CYP2C19: variants seen among roughly 807,000 people sequenced by gnomAD.
CYP2C19 encodes cytochrome P450 2C19.
CYP2C19 carries 59 observed loss-of-function variants against 40.9 expected under a neutral mutation model. That is an observed-to-expected ratio of 1.44 (90% CI 1.17 to 1.79). CYP2C19 has a LOEUF of 1.79. CYP2C19 is among the 40% of genes most tolerant of loss of function. The probability of loss-of-function intolerance (pLI) is 0.00; values close to 1 mark genes in which losing one functional copy is unlikely to be tolerated. For synonymous variants in CYP2C19, 253 were observed against 208.7 expected (o/e 1.21, Z -1.83); for missense variants, 754 against 596.9 (o/e 1.26, Z -2.74).
intron 6 of CYP2C19, among the ~76,000 whole-genome samples, chr10:94,829,024 G>A (rs184084521): frequency 6.6e-4 from 101 of 152,134 alleles, no homozygotes; most frequent in East Asian, 1.4e-3. Flanking sequence ...AGTTTCTGCC[G>A]AGAGATCTGC....
chr10:94,848,481 C>T (rs535865205), intron 7 of CYP2C19, among the ~76,000 whole-genome samples: 1 of 152,094 alleles, frequency 6.6e-6, no homozygotes, highest in African/African-American at 2.4e-5. Context: ...GTTACTGTAG[C>T]CTTGTAGTAT....
intron 6 of CYP2C19, among the ~76,000 whole-genome samples, chr10:94,824,498 A>G (rs1480185761): frequency 6.6e-6 from 1 of 152,230 alleles, no homozygotes; most frequent in Non-Finnish European, 1.5e-5. Context: ...TCTCACACAC[A>G]CAAGCACAGC....
chr10:94,768,666 A>G (rs922035145), intron 1 of CYP2C19, among the ~76,000 whole-genome samples: 2 of 152,148 alleles, frequency 1.3e-5, no homozygotes, highest in Admixed American at 6.5e-5. Context: ...TGACACTAAG[A>G]CAGCCATCAC....
intron 5 of CYP2C19, among the ~76,000 whole-genome samples, chr10:94,782,791 G>A (rs1848496071): frequency 6.6e-6 from 1 of 152,088 alleles, no homozygotes; most frequent in Non-Finnish European, 1.5e-5. Flanking sequence ...TAAAAAAGAT[G>A]AATTCATGTC....
chr10:94,848,760 T>A (rs997627109), intron 7 of CYP2C19, among the ~76,000 whole-genome samples: 2 of 152,166 alleles, frequency 1.3e-5, no homozygotes, highest in African/African-American at 4.8e-5. Context: ...CATTGAGCAG[T>A]GGTTTGTAGT....
At chr10:94,779,146 G>A (rs1208226979) in intron 3 of CYP2C19, among the ~76,000 whole-genome samples, 3 of 152,042 alleles carry the variant, frequency 2.0e-5, no homozygotes, top group Non-Finnish European at 4.4e-5. Context: ...GAAAGCATTA[G>A]GACAAATACC....
chr10:94,772,107 G>A (rs1848341644), intron 1 of CYP2C19, among the ~76,000 whole-genome samples: 1 of 152,144 alleles, frequency 6.6e-6, no homozygotes, highest in Admixed American at 6.5e-5. Flanking sequence ...ATGAAATGGA[G>A]GGCCATACCC....
chr10:94,818,488 C>T (rs1413057133), intron 5 of CYP2C19, among the ~76,000 whole-genome samples: 17 of 149,818 alleles, frequency 1.1e-4, no homozygotes, highest in Non-Finnish European at 1.5e-4. Flanking sequence ...GGCAGTATGG[C>T]CATTTTCACA....
chr10:94,846,259 A>C (rs891114106), intron 7 of CYP2C19, among the ~76,000 whole-genome samples: 4 of 152,102 alleles, frequency 2.6e-5, no homozygotes, highest in Non-Finnish European at 5.9e-5. Flanking sequence ...GCCTTTAGTC[A>C]TTTAAATTTT....
chr10:94,798,039 G>A (rs1220099296), intron 5 of CYP2C19, among the ~76,000 whole-genome samples: 1 of 151,884 alleles, frequency 6.6e-6, no homozygotes, highest in Non-Finnish European at 1.5e-5. Context: ...GCTAGCTTTG[G>A]AATTTGTTTG....
Position 94,854,035 on chromosome 10 carries a change from T to G in CYP2C19, c.*1121T>G, listed in dbSNP as rs1340878879. On this transcript the variant is annotated 3_prime_UTR_variant, in exon 9 of 9. Coordinates refer to ENST00000371321, the MANE Select transcript of CYP2C19 (RefSeq NM_000769.4). ...TTTCTTTTCTTTTTTCTTTTTTTTT[T>G]GAAATGGAGTCCCACTTTTGTTCCC... Among the ~76,000 whole-genome samples, 1 of 151,964 alleles carries G rather than the reference T, an allele frequency of 6.6e-6. No individual in the cohort carries two copies. Among genetic ancestry groups the G allele is most frequent in the Non-Finnish European group, 1.5e-5 (1 of 67,982 alleles).
chr10:94,785,997 A>C lies in CYP2C19; in HGVS notation c.819+4000A>C, dbSNP rs565697303. On this transcript the variant is annotated intron_variant, in intron 5 of 8. Coordinates refer to ENST00000371321, the MANE Select transcript of CYP2C19 (RefSeq NM_000769.4). ...TCTTTGGGCCCTATATAAATCAGAC[A>C]CTGCCTTTTCCGGCCTGCCTATAAA... Among the ~76,000 whole-genome samples the C allele has an allele frequency of 2.6e-5, 4 of 152,034 alleles. No individual in the cohort carries two copies. In the South Asian group the frequency reaches 8.3e-4, roughly 32 times the overall value.
intron 5 of CYP2C19, among the ~76,000 whole-genome samples, chr10:94,805,749 A>G (rs1848826417): frequency 6.6e-6 from 1 of 152,152 alleles, no homozygotes. Flanking sequence ...ACAAAACCAA[A>G]GTAATATAAT....
Position 94,843,639 on chromosome 10 carries a change from A to G in CYP2C19, c.1149+615A>G, listed in dbSNP as rs569861890. Among the ~76,000 whole-genome samples, 326 of 152,330 alleles carry G rather than the reference A, an allele frequency of 2.1e-3. 2 individuals are homozygous for G. The highest frequency in any genetic ancestry group is 4.1e-3 in the Admixed American group (62 of 15,302). Reference sequence around the variant, plus strand: ...ATCTATCAACTTTGCTAAATTTACTAATCACTATTCATAATTTATCTCTAG... The same window carrying G: ...ATCTATCAACTTTGCTAAATTTACTGATCACTATTCATAATTTATCTCTAG... On this transcript the variant is annotated intron_variant, in intron 7 of 8. Transcript: ENST00000371321.
intron 6 of CYP2C19, among the ~76,000 whole-genome samples, chr10:94,837,315 G>C (rs1849420072): frequency 6.6e-6 from 1 of 152,126 alleles, no homozygotes; most frequent in South Asian, 2.1e-4. Flanking sequence ...TGGGTCTGAG[G>C]GGGTGCTGCC....
chr10:94,777,863 C>G (rs1005281123), intron 3 of CYP2C19, among the ~76,000 whole-genome samples: 1 of 152,068 alleles, frequency 6.6e-6, no homozygotes, highest in Non-Finnish European at 1.5e-5. Context: ...AGGCAACCTA[C>G]AGAATGGAAG....
chr10:94,831,960 G>T (rs1849342617), intron 6 of CYP2C19, among the ~76,000 whole-genome samples: 1 of 152,076 alleles, frequency 6.6e-6, no homozygotes, highest in Non-Finnish European at 1.5e-5. Flanking sequence ...GTGGGGTATT[G>T]CTCAAGAAAT....
chr10:94,826,129 T>G (rs1433759042), intron 6 of CYP2C19, among the ~76,000 whole-genome samples: 1 of 152,152 alleles, frequency 6.6e-6, no homozygotes, highest in Non-Finnish European at 1.5e-5. Flanking sequence ...TAGGAATGAC[T>G]TGGTGATGCG....
intron 5 of CYP2C19, among the ~76,000 whole-genome samples, chr10:94,808,444 T>C (rs77411873): frequency 0.012 from 1,853 of 152,276 alleles, 55 homozygotes; most frequent in African/African-American, 0.043. Context: ...AATCGAATTA[T>C]ACTCTTTAAG....
Sources: gnomAD v4.1 joint callset for allele counts (sites outside exome capture counted in the v4.1 genomes callset) on GRCh38, gnomAD v4.1.1 for gene constraint, MANE v1.5 for transcripts, NCBI Gene and HGNC (gene_info 2026-07-23, HGNC 2026-07-21) for gene names.